The following NELL2 variants were observed in gnomAD, a reference collection of about 807,000 sequenced individuals.
NELL2 encodes the protein neural EGFL like 2.
In NELL2, 41 loss-of-function variants were observed where a neutral mutation model predicts 109.6. That is an observed-to-expected ratio of 0.37 (90% CI 0.29 to 0.49). The LOEUF (loss-of-function observed/expected upper bound fraction) is 0.49. Ranked by LOEUF, NELL2 falls within the 20% of genes least tolerant of loss-of-function variation. The pLI is 0.98. For synonymous variants in NELL2, 355 were observed against 344.7 expected (o/e 1.03, Z -0.33); for missense variants, 900 against 1,008.3 (o/e 0.89, Z 1.45).
chr12:44,673,335 C>CA (rs1458663273), intron 12 of NELL2, among the ~76,000 whole-genome samples: 2 of 152,150 alleles, frequency 1.3e-5, no homozygotes, highest in East Asian at 3.8e-4. Flanking sequence ...AATCCCAATT[C>CA]AAAAACCTAA....
intron 1 of NELL2, among the ~76,000 whole-genome samples, chr12:44,891,301 C>T (rs1372303856): frequency 2.0e-5 from 3 of 152,260 alleles, no homozygotes; most frequent in East Asian, 3.9e-4. Context: ...CTGGACTATA[C>T]CAGTGATGAT....
rs537759307 is a variant in NELL2 at position 44,711,345 on chromosome 12, C to T, written c.1136G>A (p.Cys379Tyr). 2 of 1,612,616 alleles carry T rather than the reference C, an allele frequency of 1.2e-6. No individual in the cohort carries two copies. The highest frequency in any genetic ancestry group is 1.1e-5 in the South Asian group (1 of 91,066). The change falls in exon 11 of 20, where the codon TGT (cysteine) becomes TAT (tyrosine). Residue 379 changes from cysteine to tyrosine, a missense_variant. Cys to Tyr is a radical substitution (Grantham distance 194). Transcript: ENST00000429094. Reference sequence around the variant, plus strand: ...CAAGGTTATCTGATGAGACTCTGGACAATCCAAAGCTGGACAGCCTGAACT... The same window carrying T: ...CAAGGTTATCTGATGAGACTCTGGATAATCCAAAGCTGGACAGCCTGAACT... ...VESSGCPALD[C>Y]PESHQITLSH...
At chr12:44,573,794 G>C (rs1943961415) in intron 15 of NELL2, among the ~76,000 whole-genome samples, 1 of 152,094 alleles carries the variant, frequency 6.6e-6, no homozygotes, top group Admixed American at 6.5e-5. Context: ...AAATGCAAGA[G>C]GAAACATTTA....
At chr12:44,680,826 C>T (rs1190718587) in intron 12 of NELL2, among the ~76,000 whole-genome samples, 1 of 152,090 alleles carries the variant, frequency 6.6e-6, no homozygotes, top group Non-Finnish European at 1.5e-5. Context: ...TTGTTGTTGT[C>T]CCCTAAAAAC....
chr12:44,598,163 CAAAA>C (rs10538007), intron 15 of NELL2, among the ~76,000 whole-genome samples: 5,390 of 122,878 alleles, frequency 0.044, 237 homozygotes, highest in African/African-American at 0.12. Context: ...TTTATTCTCT[CAAAA>C]AAAAAAAAAA....
intron 10 of NELL2, 83 bp from the exon 11 acceptor site, chr12:44,711,477 C>T (rs1938199847): frequency 1.7e-6 from 2 of 1,203,648 alleles, no homozygotes; most frequent in African/African-American, 3.0e-5. Flanking sequence ...TCTGAGAAGA[C>T]TCTTTTAAGA....
At chr12:44,824,452 C>A (rs1382423655) in intron 2 of NELL2, among the ~76,000 whole-genome samples, 1 of 152,048 alleles carries the variant, frequency 6.6e-6, no homozygotes, top group African/African-American at 2.4e-5. Context: ...GGTCTAATTT[C>A]ATTCTTATGC....
chr12:44,747,444 TATA>T (rs200256759), intron 9 of NELL2, among the ~76,000 whole-genome samples: 3,211 of 151,124 alleles, frequency 0.021, 107 homozygotes, highest in African/African-American at 0.071. Context: ...AAACTTCAAG[TATA>T]ATAATAATAA....
intron 9 of NELL2, among the ~76,000 whole-genome samples, chr12:44,729,803 T>C (rs963292509): frequency 6.6e-5 from 10 of 152,028 alleles, no homozygotes; most frequent in Non-Finnish European, 1.5e-5. Context: ...TGTTTATTTA[T>C]TCTGTTTTGA....
intron 1 of NELL2, among the ~76,000 whole-genome samples, chr12:44,881,605 A>G (rs1945412698): frequency 6.6e-6 from 1 of 152,054 alleles, no homozygotes; most frequent in South Asian, 2.1e-4. Flanking sequence ...CAAAAGGGAG[A>G]AGACTTTTTT....
At chr12:44,624,564 T>C (rs1293277086) in intron 13 of NELL2, among the ~76,000 whole-genome samples, 4 of 151,952 alleles carry the variant, frequency 2.6e-5, no homozygotes, top group Non-Finnish European at 5.9e-5. Flanking sequence ...AAAGGTTCCC[T>C]CTTGTAATGT....
intron 2 of NELL2, among the ~76,000 whole-genome samples, chr12:44,841,962 A>G (rs2136753151): frequency 6.6e-6 from 1 of 152,230 alleles, no homozygotes; most frequent in South Asian, 2.1e-4. Flanking sequence ...AATAAAAAAG[A>G]AAAAGAAAAC....
At chr12:44,560,931 A>G (rs1476909446) in intron 15 of NELL2, among the ~76,000 whole-genome samples, 12 of 152,226 alleles carry the variant, frequency 7.9e-5, no homozygotes, top group African/African-American at 2.4e-4. Context: ...AAAATCCTCA[A>G]TAAAACACTG....
At chr12:44,726,471 T>A (rs900828079) in intron 9 of NELL2, among the ~76,000 whole-genome samples, 2 of 152,158 alleles carry the variant, frequency 1.3e-5, no homozygotes, top group African/African-American at 2.4e-5. Context: ...CAGTCAAATC[T>A]CCATATCTCT....
At chr12:44,715,071 A>C (rs951809702) in intron 9 of NELL2, among the ~76,000 whole-genome samples, 1 of 151,908 alleles carries the variant, frequency 6.6e-6, no homozygotes, top group Admixed American at 6.6e-5. Flanking sequence ...TTAAGTAGTC[A>C]CTTAGGGCGG....
intron 9 of NELL2, among the ~76,000 whole-genome samples, chr12:44,771,013 AT>A (rs149419692): frequency 5.6e-4 from 84 of 151,146 alleles, no homozygotes; most frequent in Admixed American, 2.1e-3. Context: ...TTTTCTGATA[AT>A]TTTTTTTTTA....
chr12:44,536,022 C>A (rs552273074), intron 15 of NELL2, among the ~76,000 whole-genome samples: 1 of 151,916 alleles, frequency 6.6e-6, no homozygotes, highest in African/African-American at 2.4e-5. Flanking sequence ...TCATATTACA[C>A]TTTAATGTTC....
At chr12:44,709,723 C>T (rs1381187910) in intron 11 of NELL2, among the ~76,000 whole-genome samples, 1 of 152,192 alleles carries the variant, frequency 6.6e-6, no homozygotes, top group Non-Finnish European at 1.5e-5. Context: ...CCCAGACCTA[C>T]TGAATCAGAA....
At chr12:44,788,110 TA>T (rs35418645) in intron 3 of NELL2, among the ~76,000 whole-genome samples, 2 of 151,678 alleles carry the variant, frequency 1.3e-5, no homozygotes, top group Non-Finnish European at 1.5e-5. Flanking sequence ...ACTCAGCAAT[TA>T]AAAAAAAGAA....
Sources: allele counts gnomAD v4.1 joint callset (sites outside exome capture counted in the v4.1 genomes callset), GRCh38; gene constraint gnomAD v4.1.1; transcripts MANE v1.5; gene names NCBI Gene and HGNC (gene_info 2026-07-23, HGNC 2026-07-21).